Variants in UNC5B observed in about 807,000 individuals in gnomAD.
The protein encoded by UNC5B is netrin receptor UNC5B.
A neutral mutation model predicts 103.7 loss-of-function variants in UNC5B; 56 were observed. That is an observed-to-expected ratio of 0.54 (90% CI 0.44 to 0.67). UNC5B has a LOEUF of 0.67. Ranked by LOEUF, UNC5B falls within the 30% of genes least tolerant of loss-of-function variation. UNC5B has a pLI of 0.00. For missense variants in UNC5B, 1,194 were observed against 1,284.5 expected (o/e 0.93, Z 1.08); for synonymous variants, 577 against 542.0 (o/e 1.06, Z -0.90).
At chr10:71,271,765 C>G (rs553889688) in intron 1 of UNC5B, among the ~76,000 whole-genome samples, 4 of 152,252 alleles carry the variant, frequency 2.6e-5, no homozygotes, top group Non-Finnish European at 4.4e-5. Flanking sequence ...ATGGACACCC[C>G]CTTCAGGATG....
At chr10:71,245,204 G>C (rs558469849) in intron 1 of UNC5B, among the ~76,000 whole-genome samples, 1 of 152,232 alleles carries the variant, frequency 6.6e-6, no homozygotes, top group Non-Finnish European at 1.5e-5. Context: ...CATCTCTCTG[G>C]GAGCTAGGGC....
Position 71,296,716 on chromosome 10 carries a change from T to C in UNC5B, c.2464T>C (p.Phe822Leu), listed in dbSNP as rs756100013. The change falls in exon 15 of 17, where the codon TTC becomes CTC. Residue 822 changes from phenylalanine (F) to leucine (L), a missense_variant. By Grantham distance (22) the Phe-to-Leu change is conservative. Coordinates refer to ENST00000335350, the MANE Select transcript of UNC5B (RefSeq NM_170744.5). ...GCAAGTGGAAGGGGAGGGCCAGATA[T>C]TCCAGCTGCATACCACTCTGGCAGA... ...VRQVEGEGQIFQLHTTLAETP... is the reference protein window; with the variant it reads ...VRQVEGEGQILQLHTTLAETP... 13 of 1,610,302 alleles carry C rather than the reference T, an allele frequency of 8.1e-6. No homozygotes were observed. Among genetic ancestry groups the C allele is most frequent in the Admixed American group, 3.4e-5 (2 of 59,530 alleles).
chr10:71,214,317 G>T (rs560182632), intron 1 of UNC5B, among the ~76,000 whole-genome samples: 38 of 152,118 alleles, frequency 2.5e-4, no homozygotes, highest in African/African-American at 8.7e-4. Context: ...CAGGAGTGAG[G>T]GCTTGGCTTT....
At chr10:71,284,584 A>T in intron 2 of UNC5B, 136 bp from the exon 3 acceptor site, 2 of 1,285,696 alleles carry the variant, frequency 1.6e-6, no homozygotes, top group Non-Finnish European at 2.1e-6. Context: ...GGGTGGAGAC[A>T]GGAGACAAGA....
chr10:71,248,444 T>C (rs752779012), intron 1 of UNC5B, among the ~76,000 whole-genome samples: 1 of 152,196 alleles, frequency 6.6e-6, no homozygotes, highest in Non-Finnish European at 1.5e-5. Context: ...TTCCCCTGAG[T>C]TGGCACTTTT....
At chr10:71,242,157 G>C (rs780893556) in intron 1 of UNC5B, among the ~76,000 whole-genome samples, 1 of 152,306 alleles carries the variant, frequency 6.6e-6, no homozygotes, top group East Asian at 1.9e-4. Context: ...CTCACAGTCT[G>C]TCTCAGGCCC....
intron 1 of UNC5B, among the ~76,000 whole-genome samples, chr10:71,228,639 T>G (rs1843619482): frequency 6.6e-6 from 1 of 152,220 alleles, no homozygotes; most frequent in South Asian, 2.1e-4. Flanking sequence ...AAACACATAT[T>G]GTAAAACAAC....
Position 71,289,007 on chromosome 10 carries a change from G to A in UNC5B, c.1099+17G>A, listed in dbSNP as rs1422184073. 2 of 1,614,062 alleles carry A rather than the reference G, an allele frequency of 1.2e-6. No individual in the cohort carries two copies. The highest frequency in any genetic ancestry group is 8.5e-7 in the Non-Finnish European group (1 of 1,180,036). ...ACAGCCACCGTAAGTCCCATTTCAT[G>A]GCTGTCCTCTTTCCTCTGGGGGATC... On this transcript the variant is annotated intron_variant, in intron 8 of 16. Transcript: ENST00000335350.
At chr10:71,227,705 TATACACACACAC>T (rs1843601068) in intron 1 of UNC5B, among the ~76,000 whole-genome samples, 1 of 120,668 alleles carries the variant, frequency 8.3e-6, no homozygotes, top group African/African-American at 3.3e-5. Context: ...TATACACACA[TATACACACACAC>T]ACACACACAC....
At chr10:71,233,649 A>G (rs1564709533) in intron 1 of UNC5B, among the ~76,000 whole-genome samples, 1 of 152,222 alleles carries the variant, frequency 6.6e-6, no homozygotes, top group Non-Finnish European at 1.5e-5. Flanking sequence ...CTGCCACAGC[A>G]GTTAATGAGG....
At chr10:71,226,815 G>T (rs1056561842) in intron 1 of UNC5B, among the ~76,000 whole-genome samples, 1 of 152,126 alleles carries the variant, frequency 6.6e-6, no homozygotes, top group African/African-American at 2.4e-5. Context: ...TATCTTCATA[G>T]ATGCTGAACA....
intron 1 of UNC5B, among the ~76,000 whole-genome samples, chr10:71,271,697 C>T (rs554759310): frequency 6.6e-6 from 1 of 152,336 alleles, no homozygotes; most frequent in South Asian, 2.1e-4. Context: ...ACCCCAGCCT[C>T]CCATCCACTT....
chr10:71,232,513 G>T (rs1016627495), intron 1 of UNC5B, among the ~76,000 whole-genome samples: 1 of 152,276 alleles, frequency 6.6e-6, no homozygotes, highest in African/African-American at 2.4e-5. Flanking sequence ...TCAGCACGGG[G>T]CTGGAGGGGG....
chr10:71,241,421 C>T (rs1177261736), intron 1 of UNC5B, among the ~76,000 whole-genome samples: 2 of 152,184 alleles, frequency 1.3e-5, no homozygotes, highest in Non-Finnish European at 2.9e-5. Context: ...TCCCCACTGC[C>T]GCGTAGCCCT....
chr10:71,264,142 T>C (rs899684486), intron 1 of UNC5B, among the ~76,000 whole-genome samples: 6 of 152,206 alleles, frequency 3.9e-5, no homozygotes, highest in East Asian at 1.9e-4. Flanking sequence ...TTAGAATCTT[T>C]CCTCTGCCAC....
rs5786026 is a variant in UNC5B at position 71,213,675 on chromosome 10, AATTATTATTATT to A, written c.79+634_79+645del. ...ATCGCTGGGCCCGCAGGTCTGGAAGAATTATTATTATTATTATTATTATTATTATTATTAATT... is the reference window on the plus strand; with the variant it reads ...ATCGCTGGGCCCGCAGGTCTGGAAGAATTATTATTATTATTATTATTAATT... On this transcript the variant is annotated intron_variant, in intron 1 of 16. Coordinates refer to ENST00000335350, the MANE Select transcript of UNC5B (RefSeq NM_170744.5). This position sits in a 1 kb window ranked among gnomAD's most constrained non-coding sequence, Gnocchi z 4.1. Among the ~76,000 whole-genome samples the A allele has an allele frequency of 3.5e-4, 46 of 133,258 alleles. No homozygotes were observed. The highest frequency in any genetic ancestry group is 1.1e-3 in the South Asian group (4 of 3,794). 87.4% of individuals were successfully genotyped at this position (133,258 alleles called of 152,430 possible). A position where few individuals can be genotyped will look rare whatever the true frequency, so the allele number is the denominator to read the frequency against.
chr10:71,231,525 G>A (rs929861990), intron 1 of UNC5B, among the ~76,000 whole-genome samples: 2 of 152,304 alleles, frequency 1.3e-5, no homozygotes, highest in East Asian at 1.9e-4. Context: ...GCCTGGGAGC[G>A]CAGGGCTGTG....
chr10:71,284,190 G>C (rs1845002927), intron 2 of UNC5B, among the ~76,000 whole-genome samples: 1 of 152,144 alleles, frequency 6.6e-6, no homozygotes, highest in African/African-American at 2.4e-5. Flanking sequence ...CTTTCCTCGG[G>C]AAGTGAGGCT....
At chr10:71,229,227 G>C (rs1843632953) in intron 1 of UNC5B, among the ~76,000 whole-genome samples, 1 of 152,202 alleles carries the variant, frequency 6.6e-6, no homozygotes, top group Admixed American at 6.5e-5. Context: ...TTAAGGATTG[G>C]TCAGAGAGAG....
Sources: allele counts gnomAD v4.1 joint callset (sites outside exome capture counted in the v4.1 genomes callset), GRCh38; gene constraint gnomAD v4.1.1; non-coding constraint Gnocchi (gnomAD v3.1); transcripts MANE v1.5; gene names NCBI Gene and HGNC (gene_info 2026-07-23, HGNC 2026-07-21).